The following ARID1B variants were observed in gnomAD, a reference collection of about 807,000 sequenced individuals.
The protein encoded by ARID1B is AT-rich interaction domain 1B.
A neutral mutation model predicts 212.3 loss-of-function variants in ARID1B; 30 were observed. The ratio of observed to expected loss-of-function variants is 0.14; its 90% confidence interval spans 0.11 to 0.19. The LOEUF is 0.19. Ranked by LOEUF, ARID1B falls within the 10% of genes least tolerant of loss-of-function variation. ARID1B has a pLI of 1.00. For synonymous variants in ARID1B, 1,402 were observed against 1,301.7 expected, an observed-to-expected ratio of 1.08 and a Z score of -1.66; for missense variants, 2,891 against 3,204.0, an observed-to-expected ratio of 0.90 and a Z score of 2.36.
At chr6:156,875,689 C>T (rs1467696594) in intron 2 of ARID1B, among the ~76,000 whole-genome samples, 1 of 152,160 alleles carries the variant, frequency 6.6e-6, no homozygotes. Flanking sequence ...AAATGAGTTC[C>T]TCAGGAAAGA....
chr6:156,785,726 A>C (rs890037555), intron 1 of ARID1B, among the ~76,000 whole-genome samples: 10 of 152,122 alleles, frequency 6.6e-5, no homozygotes, highest in African/African-American at 2.4e-4. Flanking sequence ...TTAGCTGCTA[A>C]TGTGTATTGT....
intron 1 of ARID1B, among the ~76,000 whole-genome samples, chr6:156,783,190 T>C (rs1025001023): frequency 5.9e-5 from 9 of 152,124 alleles, no homozygotes; most frequent in Non-Finnish European, 1.3e-4. Context: ...TCCATTTTTC[T>C]CAATGTCATA....
intron 12 of ARID1B, among the ~76,000 whole-genome samples, chr6:157,183,677 C>T (rs760581898): frequency 1.9e-4 from 29 of 152,214 alleles, no homozygotes; most frequent in Non-Finnish European, 3.1e-4. Context: ...GCACCTGCCC[C>T]GTCAGCAGGG....
intron 4 of ARID1B, among the ~76,000 whole-genome samples, chr6:157,047,872 C>T (rs958767270): frequency 6.6e-6 from 1 of 152,168 alleles, no homozygotes; most frequent in Non-Finnish European, 1.5e-5. Flanking sequence ...GGGACATGCA[C>T]ATGTAATTAG....
chr6:157,036,575 A>T lies in ARID1B; in HGVS notation c.2248-48087A>T, dbSNP rs144011910. On this transcript the variant is annotated intron_variant, in intron 4 of 19. Coordinates refer to ENST00000636930, the MANE Select transcript of ARID1B (RefSeq NM_001374828.1). The stretch of plus-strand genomic sequence containing the variant: ...GGATTGTTTTTGAGGAACTTCAACC[A>T]CTACGTCCACATGATGGCAGATGGA... 1.6e-4 allele frequency: 47 copies of T among 300,636 alleles called. No individual in the cohort carries two copies. The East Asian group carries it at 3.3e-3, about 21-fold the overall frequency. The allele number at this position is 300,636 out of a possible 1,614,324, so 18.6% of individuals were successfully genotyped here. A position where few individuals can be genotyped will look rare whatever the true frequency, so the allele number is the denominator to read the frequency against.
rs1237525943 is a variant in ARID1B at position 156,983,912 on chromosome 6, C to T, written c.2247+48336C>T. The stretch of plus-strand genomic sequence containing the variant: ...TTACCCGATTTCCTGCACCCCTCAG[C>T]CAGTTAGGATTGACCTTGCTTTTCT... On this transcript the variant is annotated intron_variant, in intron 4 of 19. Transcript: ENST00000636930. Among the ~76,000 whole-genome samples, 3 of 152,130 alleles carry T rather than the reference C, an allele frequency of 2.0e-5. No individual in the cohort carries two copies. In the East Asian group the frequency reaches 5.8e-4, roughly 29 times the overall value.
intron 5 of ARID1B, among the ~76,000 whole-genome samples, chr6:157,102,000 C>G (rs78501954): frequency 0.02 from 3,088 of 152,222 alleles, 103 homozygotes; most frequent in African/African-American, 0.071. Flanking sequence ...CATGGAATTT[C>G]TGAATATTTC....
At chr6:156,959,925 C>CTTTT (rs138881152) in intron 4 of ARID1B, among the ~76,000 whole-genome samples, 67 of 122,584 alleles carry the variant, frequency 5.5e-4, no homozygotes, top group South Asian at 8.8e-4. Flanking sequence ...TTGTCAGCTT[C>CTTTT]TTTTTTTTTT....
intron 2 of ARID1B, among the ~76,000 whole-genome samples, chr6:156,895,215 T>C (rs1182271405): frequency 6.6e-6 from 1 of 152,264 alleles, no homozygotes; most frequent in African/African-American, 2.4e-5. Flanking sequence ...TCTATAGAAT[T>C]AGTGTCCCTT....
chr6:157,049,972 T>C (rs1047904677), intron 4 of ARID1B, among the ~76,000 whole-genome samples: 1 of 152,212 alleles, frequency 6.6e-6, no homozygotes, highest in African/African-American at 2.4e-5. Flanking sequence ...ATGCATTGAA[T>C]GCTGCTACAG....
chr6:156,779,075 C>T lies in ARID1B; in HGVS notation c.1395C>T (p.Pro465=), dbSNP rs1274905911. 6.5e-6 allele frequency: 8 copies of T among 1,223,814 alleles called. 1 individual carries two copies. The South Asian group carries it at 1.4e-4, about 22-fold the overall frequency. The allele number at this position is 1,223,814 out of a possible 1,614,324, so 75.8% of individuals were successfully genotyped here. ...RQQGGGMMMG[P]GGGGAASLSK... ...AGGGCGGCGGCATGATGATGGGCCC[C>T]GGGGGCGGCGGGGCCGCGAGCCTCA... The change falls in exon 1 of 20, where the codon CCC becomes CCT. Residue 465 remains proline, a synonymous_variant. Transcript: ENST00000636930.
chr6:157,088,753 C>A (rs1317617621), intron 5 of ARID1B, among the ~76,000 whole-genome samples: 1 of 152,172 alleles, frequency 6.6e-6, no homozygotes. Flanking sequence ...TTTCCCATCT[C>A]TAATCCTTAT....
intron 4 of ARID1B, among the ~76,000 whole-genome samples, chr6:156,970,819 G>A (rs1562519533): frequency 6.6e-6 from 1 of 152,202 alleles, no homozygotes; most frequent in Non-Finnish European, 1.5e-5. Flanking sequence ...TGGAGAGGGG[G>A]CCCATCTTAT....
At chr6:157,082,310 T>C (rs1177576879) in intron 4 of ARID1B, among the ~76,000 whole-genome samples, 1 of 152,150 alleles carries the variant, frequency 6.6e-6, no homozygotes, top group Non-Finnish European at 1.5e-5. Flanking sequence ...GTCAGCAAGC[T>C]TTTTCCGTTA....
chr6:156,875,807 A>G lies in ARID1B; in HGVS notation c.1987-25569A>G, dbSNP rs573027521. Among the ~76,000 whole-genome samples, 4 of 152,206 alleles carry G rather than the reference A, an allele frequency of 2.6e-5. 1 individual carries two copies. Among genetic ancestry groups the G allele is most frequent in the African/African-American group, 9.6e-5 (4 of 41,526 alleles). ...TTAATATTATAGAGGTTTTACTGCA[A>G]CTCTCTTGGTGATTACAAGAGGGCT... On this transcript the variant is annotated intron_variant, in intron 2 of 19. Coordinates refer to ENST00000636930, the MANE Select transcript of ARID1B (RefSeq NM_001374828.1).
chr6:156,878,217 T>TA (rs1460821424), intron 2 of ARID1B, among the ~76,000 whole-genome samples: 1 of 152,102 alleles, frequency 6.6e-6, no homozygotes, highest in Non-Finnish European at 1.5e-5. Flanking sequence ...CATTTCAAGG[T>TA]ACCATTTTAC....
chr6:156,978,949 A>G (rs1226130269), intron 4 of ARID1B, among the ~76,000 whole-genome samples: 5 of 152,226 alleles, frequency 3.3e-5, no homozygotes, highest in Non-Finnish European at 7.3e-5. Context: ...ATATGATAAT[A>G]CATTTACATT....
rs930274601 is a variant in ARID1B at position 156,778,313 on chromosome 6, G to A, written c.633G>A (p.Gln211=). 11 of 1,544,750 alleles carry A rather than the reference G, an allele frequency of 7.1e-6. No individual in the cohort carries two copies. The African/African-American group carries it at 9.6e-5, about 13-fold the overall frequency. Residue 211 remains glutamine, a synonymous_variant, in exon 1 of 20, where the codon CAG becomes CAA. Transcript: ENST00000636930. ...AGCAACAGCAGCAGCAGCAGCAGCA[G>A]CAACAGCAACATCCCATTTCCAACA... The part of the protein sequence containing the change: ...QQQQQQQQQQ[Q]QQQHPISNNN...
At chr6:156,841,635 C>G (rs181798996) in intron 2 of ARID1B, among the ~76,000 whole-genome samples, 1 of 152,232 alleles carries the variant, frequency 6.6e-6, no homozygotes, top group African/African-American at 2.4e-5. Flanking sequence ...TGCCATGTTT[C>G]TATTTATCTC....
Sources: gnomAD v4.1 joint callset for allele counts (sites outside exome capture counted in the v4.1 genomes callset) on GRCh38, gnomAD v4.1.1 for gene constraint, MANE v1.5 for transcripts, NCBI Gene and HGNC (gene_info 2026-07-23, HGNC 2026-07-21) for gene names.